Variants in PDIA5 observed in about 807,000 individuals in gnomAD.
PDIA5 encodes the protein protein disulfide isomerase family A member 5.
Under a neutral mutation model 77.6 loss-of-function variants are expected in PDIA5, and 58 were observed. That is an observed-to-expected ratio of 0.75 (90% confidence interval 0.61 to 0.93). The LOEUF (loss-of-function observed/expected upper bound fraction) is 0.93, where lower values mean the gene tolerates loss of function less well. PDIA5 is among the 40% of genes least tolerant of loss of function. PDIA5 has a pLI of 0.00. For missense variants in PDIA5, 630 were observed against 647.7 expected (o/e 0.97, Z 0.30); for synonymous variants, 250 against 252.1 (o/e 0.99, Z 0.08).
At chr3:123,106,294 A>G (rs576757498) in intron 5 of PDIA5, among the ~76,000 whole-genome samples, 8 of 152,374 alleles carry the variant, frequency 5.3e-5, no homozygotes, top group African/African-American at 1.9e-4. Context: ...TTATGGGATG[A>G]CAGTTTTAGT....
At position 123,102,756 on chromosome 3, in the gene PDIA5, G is replaced by A; in HGVS notation, c.347G>A (p.Gly116Asp). 6.2e-7 allele frequency: 1 copy of A among 1,609,008 alleles called. No individual in the cohort carries two copies. The highest frequency in any genetic ancestry group is 1.7e-5 in the Admixed American group (1 of 60,014). Residue 116 changes from glycine (G) to aspartate (D), a missense_variant, in exon 5 of 17, where the codon GGT becomes GAT. Coordinates refer to ENST00000316218, the MANE Select transcript of PDIA5 (RefSeq NM_006810.4). ...TTTTTCTCCTCATTTGACAGGGATG[G>A]TGCATTTCATACTGAATATAACCGA... ...KKVELFHYQD[G>D]AFHTEYNRAV...
At chr3:123,087,429 C>T (rs1357620837) in intron 1 of PDIA5, among the ~76,000 whole-genome samples, 1 of 148,006 alleles carries the variant, frequency 6.8e-6, no homozygotes, top group Non-Finnish European at 1.5e-5. Flanking sequence ...TTTCTTAAGT[C>T]CTTTTTTATT....
chr3:123,117,374 T>TATATCTATATATATATATA (rs1935019779), intron 8 of PDIA5, among the ~76,000 whole-genome samples: 1 of 79,872 alleles, frequency 1.3e-5, no homozygotes, highest in African/African-American at 4.8e-5. Flanking sequence ...TTCTATGATT[T>TATATCTATATATATATATA]TATATATATA....
intron 8 of PDIA5, among the ~76,000 whole-genome samples, chr3:123,117,819 CTTTTGGATATCTGTTTATCCATT>C (rs1935030442): frequency 6.6e-6 from 1 of 152,110 alleles, no homozygotes; most frequent in Non-Finnish European, 1.5e-5. Context: ...GCTTCTAATT[CTTTTGGATATCTGTTTATCCATT>C]TTTGCACTTA....
intron 13 of PDIA5, among the ~76,000 whole-genome samples, chr3:123,146,573 G>A (rs1467018141): frequency 6.6e-6 from 1 of 152,176 alleles, no homozygotes; most frequent in Non-Finnish European, 1.5e-5. Context: ...TTGAATAAAT[G>A]AAGGAGACAC....
intron 13 of PDIA5, among the ~76,000 whole-genome samples, chr3:123,147,917 C>G (rs1935806262): frequency 6.6e-6 from 1 of 152,152 alleles, no homozygotes; most frequent in South Asian, 2.1e-4. Context: ...CCGAGGGAAT[C>G]CAGAGTGTCG....
chr3:123,088,297 C>T (rs1204294937), intron 1 of PDIA5, among the ~76,000 whole-genome samples: 1 of 152,152 alleles, frequency 6.6e-6, no homozygotes, highest in Admixed American at 6.5e-5. Flanking sequence ...TGCAGAGGTG[C>T]CTGATACCTC....
At chr3:123,094,041 C>T (rs1053721951) in intron 3 of PDIA5, among the ~76,000 whole-genome samples, 1 of 152,162 alleles carries the variant, frequency 6.6e-6, no homozygotes, top group Non-Finnish European at 1.5e-5. Flanking sequence ...GGAGATTCAA[C>T]TTCAGGACTC....
chr3:123,095,571 G>A (rs1934412286), intron 3 of PDIA5, among the ~76,000 whole-genome samples: 1 of 152,074 alleles, frequency 6.6e-6, no homozygotes, highest in African/African-American at 2.4e-5. Context: ...CCAACATGGA[G>A]AAACCCCATC....
chr3:123,085,107 G>T (rs1181804610), intron 1 of PDIA5, among the ~76,000 whole-genome samples: 1 of 152,180 alleles, frequency 6.6e-6, no homozygotes, highest in African/African-American at 2.4e-5. Flanking sequence ...GGCCTCCCAA[G>T]GGCTGCTGTG....
intron 8 of PDIA5, among the ~76,000 whole-genome samples, chr3:123,117,374 T>TTTTATATATATATATATA (rs1553800660): frequency 2.5e-5 from 2 of 79,872 alleles, no homozygotes; most frequent in Admixed American, 1.5e-4. Context: ...TTCTATGATT[T>TTTTATATATATATATATA]TATATATATA....
intron 11 of PDIA5, among the ~76,000 whole-genome samples, chr3:123,137,959 G>T (rs1935540541): frequency 6.6e-6 from 1 of 152,046 alleles, no homozygotes; most frequent in South Asian, 2.1e-4. Flanking sequence ...GGGAGGAAGG[G>T]ATTTGAGACA....
Position 123,092,413 on chromosome 3 carries a change from A to G in PDIA5, c.228A>G (p.Gly76=), listed in dbSNP as rs1156792887. The change falls in exon 3 of 17, where the codon GGA becomes GGG. Residue 76 remains glycine, a synonymous_variant. Transcript: ENST00000316218. ...CCACAGTGGCCCAGGCGGTGAAAGG[A>G]CAAGGGACCATCTGCTGGGTGGACT... The part of the protein sequence containing the change: ...LLSTVAQAVK[G]QGTICWVDCG... 5 of 1,613,650 alleles carry G rather than the reference A, an allele frequency of 3.1e-6. No individual in the cohort carries two copies. Among genetic ancestry groups the G allele is most frequent in the East Asian group, 2.2e-5 (1 of 44,852 alleles).
chr3:123,085,431 G>A (rs1934112390), intron 1 of PDIA5, among the ~76,000 whole-genome samples: 2 of 152,134 alleles, frequency 1.3e-5, no homozygotes, highest in Non-Finnish European at 2.9e-5. Flanking sequence ...TTTCTGGTTG[G>A]GCTTAACTTC....
intron 6 of PDIA5, among the ~76,000 whole-genome samples, chr3:123,109,541 C>T (rs971580403): frequency 5.3e-5 from 8 of 152,204 alleles, no homozygotes; most frequent in Admixed American, 5.3e-4. Flanking sequence ...AATGCTCTCT[C>T]TAGTTACGTA....
chr3:123,103,382 A>G (rs1357482484), intron 5 of PDIA5, among the ~76,000 whole-genome samples: 2 of 152,206 alleles, frequency 1.3e-5, no homozygotes, highest in Non-Finnish European at 2.9e-5. Context: ...CTCCTCCTTC[A>G]GGGTCAGGAT....
chr3:123,075,328 G>A (rs1480316148), intron 1 of PDIA5, among the ~76,000 whole-genome samples: 1 of 152,162 alleles, frequency 6.6e-6, no homozygotes, highest in East Asian at 1.9e-4. Flanking sequence ...GGTGAAGTTG[G>A]CTGGGGGACC....
At chr3:123,099,057 GCACACA>G (rs34705320) in intron 3 of PDIA5, among the ~76,000 whole-genome samples, 6,041 of 151,052 alleles carry the variant, frequency 0.04, 483 homozygotes, top group Admixed American at 0.21. Flanking sequence ...ACATGCTTGC[GCACACA>G]CACACACACA....
chr3:123,107,129 G>A (rs1282817648), intron 6 of PDIA5, among the ~76,000 whole-genome samples: 1 of 152,118 alleles, frequency 6.6e-6, no homozygotes, highest in Non-Finnish European at 1.5e-5. Flanking sequence ...AGATTTAAAT[G>A]TTCTCTCTCT....
Sources: gnomAD v4.1 joint callset for allele counts (sites outside exome capture counted in the v4.1 genomes callset) on GRCh38, gnomAD v4.1.1 for gene constraint, MANE v1.5 for transcripts, NCBI Gene and HGNC (gene_info 2026-07-23, HGNC 2026-07-21) for gene names.